The following ATP5PD variants were observed in gnomAD, a reference collection of about 807,000 sequenced individuals.
ATP5PD encodes the protein ATP synthase peripheral stalk subunit d.
ATP5PD carries 13 observed loss-of-function variants against 22.6 expected under a neutral mutation model. The observed-to-expected ratio is 0.58, with a 90% CI of 0.37 to 0.91. The LOEUF is 0.91. Among genes scored for constraint, ATP5PD ranks in the 40% least tolerant of loss-of-function variants. The pLI is 0.00. For synonymous variants in ATP5PD, 51 were observed against 65.0 expected, an observed-to-expected ratio of 0.79 and a Z score of 1.03; for missense variants, 165 against 188.0, an observed-to-expected ratio of 0.88 and a Z score of 0.72.
intron 2 of ATP5PD, 125 bp from the exon 3 acceptor site, chr17:75,042,402 AT>A: frequency 6.6e-7 from 1 of 1,505,074 alleles, no homozygotes; most frequent in South Asian, 1.3e-5. Context: ...TAAGATCATC[AT>A]GAAAATGCAA....
At chr17:75,044,986 T>C (rs534358519) in intron 1 of ATP5PD, among the ~76,000 whole-genome samples, 1 of 151,984 alleles carries the variant, frequency 6.6e-6, no homozygotes, top group Non-Finnish European at 1.5e-5. Context: ...TTACAGACTT[T>C]CCCAAACATC....
intron 1 of ATP5PD, among the ~76,000 whole-genome samples, chr17:75,044,488 A>C (rs1266763715): frequency 1.3e-5 from 1 of 79,782 alleles, no homozygotes; most frequent in African/African-American, 2.2e-4. Context: ...TATAGGCGTG[A>C]GCCACCGCGC....
intron 4 of ATP5PD, 138 bp from the exon 5 acceptor site, chr17:75,039,409 G>A (rs761793547): frequency 2.3e-5 from 16 of 700,418 alleles, no homozygotes; most frequent in Middle Eastern, 4.0e-4. Flanking sequence ...GAGTGGGGGC[G>A]CTCACTCTGA....
At chr17:75,039,408 C>T (rs2291535) in intron 4 of ATP5PD, 137 bp from the exon 5 acceptor site, 70,374 of 712,696 alleles carry the variant, frequency 0.099, 9,237 homozygotes, top group East Asian at 0.6. Context: ...TGAGTGGGGG[C>T]GCTCACTCTG....
At position 75,042,247 on chromosome 17, in the gene ATP5PD, A is replaced by T. The variant is rs1415111720; in HGVS notation, c.153T>A (p.Ala51=). The part of the protein sequence containing the change: ...RLAALPENPP[A]IDWAYYKANV... ...TGGCCTTGTAGTAAGCCCAGTCGAT[A>T]GCTGGTGGATTCTCAGGTAAAGCAG... The change falls in exon 3 of 6, where the codon GCT becomes GCA. Residue 51 remains alanine (A), a synonymous_variant. Transcript: ENST00000301587. 1 of 1,614,228 alleles carries T rather than the reference A, an allele frequency of 6.2e-7. No individual in the cohort carries two copies. Among genetic ancestry groups the T allele is most frequent in the South Asian group, 1.1e-5 (1 of 91,076 alleles).
Position 75,042,619 on chromosome 17 carries a change from A to G in ATP5PD, c.32T>C (p.Ile11Thr). The G allele has an allele frequency of 1.9e-6, 3 of 1,612,310 alleles. No homozygotes were observed. The highest frequency in any genetic ancestry group is 2.5e-6 in the Non-Finnish European group (3 of 1,179,520). The part of the protein sequence containing the change: MAGRKLALKT[I>T]DWVAFAEIIP... The stretch of plus-strand genomic sequence containing the variant: ...GATCTCTGCAAAAGCTACCCAGTCA[A>G]TGGTTTTTAGAGCAAGTTTTCGCCC... The change falls in exon 2 of 6, where the codon ATT (isoleucine) becomes ACT (threonine). Residue 11 changes from isoleucine (I) to threonine (T), a missense_variant. Coordinates refer to ENST00000301587, the MANE Select transcript of ATP5PD (RefSeq NM_006356.3).
intron 2 of ATP5PD, 42 bp downstream of exon 2, chr17:75,042,487 T>C: frequency 6.3e-7 from 1 of 1,595,530 alleles, no homozygotes. Flanking sequence ...TGTTTCTAGA[T>C]TCAGTGGCAA....
intron 1 of ATP5PD, among the ~76,000 whole-genome samples, chr17:75,045,201 T>C (rs559926956): frequency 6.2e-4 from 94 of 152,150 alleles, no homozygotes; most frequent in African/African-American, 2.2e-3. Flanking sequence ...GGAGGGAGTA[T>C]ACGAATAGGT....
intron 3 of ATP5PD, 136 bp downstream of exon 3, chr17:75,042,045 G>A (rs1199759141): frequency 1.5e-6 from 1 of 685,544 alleles, no homozygotes; most frequent in Non-Finnish European, 2.4e-6. Context: ...TCGACCACAA[G>A]GCCTTTGGCC....
chr17:75,045,447 G>C lies in ATP5PD; in HGVS notation c.-10+1478C>G, dbSNP rs184387736. 2.6e-3 allele frequency among the ~76,000 whole-genome samples: 394 copies of C among 152,338 alleles called. 1 individual carries two copies. Among genetic ancestry groups the C allele is most frequent in the Non-Finnish European group, 2.1e-3 (143 of 68,026 alleles). On this transcript the variant is annotated intron_variant, in intron 1 of 5. Transcript: ENST00000301587. The stretch of plus-strand genomic sequence containing the variant: ...CCTAATAAGCCTGGGATCGCTATGG[G>C]AGACTGGAGTTTATTTCACCCCTGC...
In ATP5PD at chr17:75,039,170, G is replaced by C. The variant is rs2073132580; in HGVS notation, c.354+39C>G. On this transcript the variant is annotated intron_variant, in intron 5 of 5. Coordinates refer to ENST00000301587, the MANE Select transcript of ATP5PD (RefSeq NM_006356.3). ...GAAAGATGTGTGGTCATGAAAGAGA[G>C]AACCCATATTATAGGCAACGGCTAC... 11 of 1,612,936 alleles carry C rather than the reference G, an allele frequency of 6.8e-6. No homozygotes were observed. The East Asian group carries it at 2.4e-4, about 36-fold the overall frequency.
intron 1 of ATP5PD, 149 bp from the exon 2 acceptor site, chr17:75,042,808 G>C (rs1426418867): frequency 8.6e-6 from 7 of 814,898 alleles, no homozygotes; most frequent in Non-Finnish European, 1.1e-5. Flanking sequence ...TTGAACCCAG[G>C]AGGTGGAGGT....
Position 75,040,117 on chromosome 17 carries a change from T to C in ATP5PD, c.266A>G (p.Gln89Arg), listed in dbSNP as rs562549086. The C allele has an allele frequency of 1.9e-6, 3 of 1,613,072 alleles. No homozygotes were observed. Among genetic ancestry groups the C allele is most frequent in the Admixed American group, 1.7e-5 (1 of 59,984 alleles). ...VPVPEDKYTA[Q>R]VDAEEKEDVK... ...ATCTTCTTTTTCTTCGGCATCCACCTGGGCAGTATATTTATCCTCTGGCAC... is the reference window on the plus strand; with the variant it reads ...ATCTTCTTTTTCTTCGGCATCCACCCGGGCAGTATATTTATCCTCTGGCAC... Residue 89 changes from glutamine to arginine, a missense_variant, in exon 4 of 6, where the codon CAG becomes CGG. Gln to Arg is a conservative substitution (Grantham distance 43). Coordinates refer to ENST00000301587, the MANE Select transcript of ATP5PD (RefSeq NM_006356.3).
intron 4 of ATP5PD, chr17:75,039,596 C>G: frequency 3.0e-6 from 1 of 332,250 alleles, no homozygotes; most frequent in South Asian, 4.7e-5. Context: ...CCTAGCCAGA[C>G]TTCTCTCTGG....
At chr17:75,043,570 G>A (rs1325488271) in intron 1 of ATP5PD, among the ~76,000 whole-genome samples, 6 of 140,798 alleles carry the variant, frequency 4.3e-5, no homozygotes, top group Non-Finnish European at 9.0e-5. Context: ...CTGAGATAGC[G>A]CCATTGCACT....
At chr17:75,039,094 G>A in intron 5 of ATP5PD, 31 bp from the exon 6 acceptor site, 1 of 1,612,992 alleles carries the variant, frequency 6.2e-7, no homozygotes, top group East Asian at 2.2e-5. Flanking sequence ...TTTAGTTAAT[G>A]TAAACAGAGA....
At chr17:75,045,459 T>C (rs1458944218) in intron 1 of ATP5PD, among the ~76,000 whole-genome samples, 1 of 152,222 alleles carries the variant, frequency 6.6e-6, no homozygotes, top group African/African-American at 2.4e-5. Context: ...GACTGGAGTT[T>C]ATTTCACCCC....
intron 1 of ATP5PD, among the ~76,000 whole-genome samples, chr17:75,045,975 A>C (rs2073211301): frequency 6.6e-6 from 1 of 152,264 alleles, no homozygotes; most frequent in Non-Finnish European, 1.5e-5. Context: ...ATAAATGTCC[A>C]TAAAATCTTC....
intron 1 of ATP5PD, among the ~76,000 whole-genome samples, chr17:75,043,088 G>T (rs1272484082): frequency 1.3e-5 from 2 of 150,878 alleles, no homozygotes; most frequent in African/African-American, 4.9e-5. Flanking sequence ...CAGCCGTGGT[G>T]GCCCGCGCCA....
Sources: gnomAD v4.1 joint callset for allele counts (sites outside exome capture counted in the v4.1 genomes callset) on GRCh38, gnomAD v4.1.1 for gene constraint, MANE v1.5 for transcripts, NCBI Gene and HGNC (gene_info 2026-07-23, HGNC 2026-07-21) for gene names.